ANO9: variants seen among roughly 807,000 people sequenced by gnomAD.
ANO9 encodes the protein anoctamin-9.
A neutral mutation model predicts 100.5 loss-of-function variants in ANO9; 80 were observed. That is an observed-to-expected ratio of 0.80 (90% CI 0.66 to 0.96). ANO9 has a LOEUF of 0.96. Ranked by LOEUF, ANO9 falls within the 40% of genes least tolerant of loss-of-function variation. The probability of loss-of-function intolerance (pLI) is 0.00; values close to 1 mark genes in which losing one functional copy is unlikely to be tolerated. For synonymous variants in ANO9, 473 were observed against 435.6 expected, an observed-to-expected ratio of 1.09 and a Z score of -1.07; for missense variants, 1,064 against 1,072.7, an observed-to-expected ratio of 0.99 and a Z score of 0.11.
chr11:423,801 G>T (rs1357435867), intron 15 of ANO9, among the ~76,000 whole-genome samples: 3 of 151,816 alleles, frequency 2.0e-5, no homozygotes, highest in African/African-American at 7.3e-5. Flanking sequence ...AAAATGCTGG[G>T]ATTACAAGCA....
At chr11:419,437 G>T in intron 20 of ANO9, 145 bp downstream of exon 20, 1 of 1,436,588 alleles carries the variant, frequency 7.0e-7, no homozygotes, top group Non-Finnish European at 9.1e-7. Context: ...CAGGGCAGGG[G>T]CCACCCCCAG....
Position 430,155 on chromosome 11 carries a change from G to A in ANO9, c.699C>T (p.Asp233=), listed in dbSNP as rs751889754. The change falls in exon 9 of 23, where the codon GAC becomes GAT. Residue 233 remains aspartate, a synonymous_variant. Transcript: ENST00000332826. ...QISKEICEAH[D]ILMCPLGDHS... ...GGTCGCCGAGGGGACACATGAGGAT[G>A]TCGTGGGCCTCACAGATCTCCTTGC... 5.0e-5 allele frequency: 77 copies of A among 1,553,024 alleles called. No individual in the cohort carries two copies. The highest frequency in any genetic ancestry group is 6.4e-5 in the Non-Finnish European group (74 of 1,148,734).
rs375496379 is a variant in ANO9 at position 431,695 on chromosome 11, T to C, written c.538A>G (p.Arg180Gly). 1.2e-6 allele frequency: 2 copies of C among 1,612,382 alleles called. No homozygotes were observed. The highest frequency in any genetic ancestry group is 1.7e-6 in the Non-Finnish European group (2 of 1,179,454). ...TGTGCTCTCTTTGGGCAGCGTTACCTGATTTCATCAACTGGCTGCTCCCGG... is the reference window on the plus strand; with the variant it reads ...TGTGCTCTCTTTGGGCAGCGTTACCCGATTTCATCAACTGGCTGCTCCCGG... Reference protein sequence around the residue: ...MFREQPVDEIRNYFGEKVALY... With the variant: ...MFREQPVDEIGNYFGEKVALY... The change falls in exon 7 of 23, where the codon AGG becomes GGG. Residue 180 changes from arginine to glycine, a missense_variant and splice_region_variant. Physicochemically the swap from Arg to Gly is moderately radical, Grantham distance 125. Transcript: ENST00000332826.
At chr11:420,915 T>C in intron 17 of ANO9, 30 bp downstream of exon 17, 1 of 1,593,380 alleles carries the variant, frequency 6.3e-7, no homozygotes. Context: ...GGCCTGGGGC[T>C]CCCGGGGCTG....
Position 430,121 on chromosome 11 carries a change from T to C in ANO9, c.733A>G (p.Arg245Gly). Reference sequence around the variant, plus strand: ...CAGGTTTCCGAGAGCCGCTGGTACCTGCGGCTGTGGTCGCCGAGGGGACAC... The same window carrying C: ...CAGGTTTCCGAGAGCCGCTGGTACCCGCGGCTGTGGTCGCCGAGGGGACAC... Reference protein sequence around the residue: ...LMCPLGDHSRRYQRLSETCTF... With the variant: ...LMCPLGDHSRGYQRLSETCTF... Residue 245 changes from arginine to glycine, a missense_variant, in exon 9 of 23, where the codon AGG becomes GGG. By Grantham distance (125) the Arg-to-Gly change is moderately radical. Transcript: ENST00000332826. 2.6e-6 allele frequency: 4 copies of C among 1,553,044 alleles called. No homozygotes were observed. Among genetic ancestry groups the C allele is most frequent in the Non-Finnish European group, 1.7e-6 (2 of 1,148,782 alleles).
At chr11:419,945 C>T in intron 19 of ANO9, 3 of 1,404,294 alleles carry the variant, frequency 2.1e-6, no homozygotes, top group Non-Finnish European at 2.8e-6. Flanking sequence ...CAGGGAGGAA[C>T]CTGGGAATCC....
chr11:418,463 T>C lies in ANO9; in HGVS notation c.2257A>G (p.Arg753Gly). The change falls in exon 23 of 23, where the codon AGG becomes GGG. Residue 753 changes from arginine (R) to glycine (G), a missense_variant. Coordinates refer to ENST00000332826, the MANE Select transcript of ANO9 (RefSeq NM_001012302.3). Reference sequence around the variant, plus strand: ...GAGCCTGCCCCCACCCCACCCAGCCTCTGCCTTCCATGCCACATCTTCTCA... The same window carrying C: ...GAGCCTGCCCCCACCCCACCCAGCCCCTGCCTTCCATGCCACATCTTCTCA... ...LREKMWHGRQ[R>G]LGGVGAGSRP... 1 of 1,613,006 alleles carries C rather than the reference T, an allele frequency of 6.2e-7. No individual in the cohort carries two copies. The highest frequency in any genetic ancestry group is 8.5e-7 in the Non-Finnish European group (1 of 1,179,986).
At chr11:420,036 T>C in intron 19 of ANO9, 1 of 1,334,154 alleles carries the variant, frequency 7.5e-7, no homozygotes, top group Non-Finnish European at 9.6e-7. Flanking sequence ...GGTAAGACCT[T>C]GTAACCTGGG....
In ANO9 at chr11:428,466, C is replaced by T. The variant is rs765386503; in HGVS notation, c.1185+9G>A. The T allele has an allele frequency of 1.9e-5, 30 of 1,612,250 alleles. No homozygotes were observed. Among genetic ancestry groups the T allele is most frequent in the East Asian group, 1.6e-4 (7 of 44,868 alleles). On this transcript the variant is annotated intron_variant, in intron 13 of 22. Transcript: ENST00000332826. ...CCCCAGCTCGGGCCTGCCCTGCTCCCGGCCCCACCTTGGTCATGATGATGA... is the reference window on the plus strand; with the variant it reads ...CCCCAGCTCGGGCCTGCCCTGCTCCTGGCCCCACCTTGGTCATGATGATGA...
intron 19 of ANO9, 106 bp downstream of exon 19, chr11:420,357 G>A: frequency 1.3e-6 from 2 of 1,509,684 alleles, no homozygotes; most frequent in Non-Finnish European, 1.8e-6. Flanking sequence ...TCTGCGGCCT[G>A]AGATCCGAGA....
chr11:431,956 C>A (rs1334305178), intron 5 of ANO9, 43 bp downstream of exon 5: 1 of 1,612,268 alleles, frequency 6.2e-7, no homozygotes, highest in African/African-American at 1.3e-5. Context: ...CTGGGAGAAC[C>A]CTGCCCGCAG....
At chr11:424,083 G>A (rs752874660) in intron 15 of ANO9, among the ~76,000 whole-genome samples, 2 of 151,846 alleles carry the variant, frequency 1.3e-5, no homozygotes, top group Non-Finnish European at 2.9e-5. Flanking sequence ...TAGTAGAGAC[G>A]GGGTTTCTTC....
chr11:419,725 G>A lies in ANO9; in HGVS notation c.1791C>T (p.Thr597=), dbSNP rs764508344. The change falls in exon 20 of 23, where the codon ACC becomes ACT. Residue 597 remains threonine, a synonymous_variant. Transcript: ENST00000332826. ...CGATGGTCTCCAGCACCTGCAGCCA[G>A]GTCCCTGCACCAGAGCAGTGGGCAA... ...LVPRKAKDIG[T]WLQVLETIGV... is the part of the protein sequence containing the mutation. The A allele has an allele frequency of 6.9e-6, 11 of 1,597,284 alleles. No individual in the cohort carries two copies. Among genetic ancestry groups the A allele is most frequent in the Non-Finnish European group, 1.7e-6 (2 of 1,174,950 alleles).
Position 420,856 on chromosome 11 carries a change from C to T in ANO9, c.1495G>A (p.Val499Met). ...SNCVEYLVPW[V>M]THKCRSLRAS... ...CGCAGAGAGCGGCACTTGTGGGTCA[C>T]CCACCTGCGGGGAGAGCTGCGTGGC... The change falls in exon 18 of 23, where the codon GTG becomes ATG. Residue 499 changes from valine (V) to methionine (M), a missense_variant. Physicochemically the swap from Val to Met is conservative, Grantham distance 21. Transcript: ENST00000332826. 1 of 1,590,768 alleles carries T rather than the reference C, an allele frequency of 6.3e-7. No homozygotes were observed. Among genetic ancestry groups the T allele is most frequent in the Non-Finnish European group, 8.5e-7 (1 of 1,171,960 alleles).
chr11:436,042 C>CT (rs1156461551), intron 1 of ANO9, among the ~76,000 whole-genome samples: 12 of 83,242 alleles, frequency 1.4e-4, no homozygotes, highest in South Asian at 3.9e-4. Context: ...GTGTCTGTTT[C>CT]TTTTTTTTTT....
intron 15 of ANO9, among the ~76,000 whole-genome samples, chr11:427,465 C>A (rs1029433418): frequency 6.6e-5 from 10 of 152,144 alleles, no homozygotes; most frequent in African/African-American, 2.4e-4. Context: ...GGTGCAGTGG[C>A]TCACGCCTGA....
At chr11:436,043 T>G (rs572020815) in intron 1 of ANO9, among the ~76,000 whole-genome samples, 1 of 147,826 alleles carries the variant, frequency 6.8e-6, no homozygotes, top group East Asian at 2.0e-4. Context: ...TGTCTGTTTC[T>G]TTTTTTTTTC....
Position 441,909 on chromosome 11 carries a change from C to G in ANO9, c.6+12G>C, listed in dbSNP as rs777194726. 3 of 1,607,418 alleles carry G rather than the reference C, an allele frequency of 1.9e-6. No individual in the cohort carries two copies. In the South Asian group the frequency reaches 3.3e-5, roughly 18 times the overall value. ...CCTTGAAGGTGTGGACCCTTTTGAG[C>G]GCAGGACTCACCTGCATGCTGGCTG... On this transcript the variant is annotated intron_variant, in intron 1 of 22. Transcript: ENST00000332826.
intron 1 of ANO9, 122 bp from the exon 2 acceptor site, chr11:434,220 G>T: frequency 8.5e-7 from 1 of 1,182,184 alleles, no homozygotes; most frequent in Non-Finnish European, 1.2e-6. Flanking sequence ...AAGGAGAACA[G>T]CAAAGAGTCC....
Sources: allele counts gnomAD v4.1 joint callset (sites outside exome capture counted in the v4.1 genomes callset), GRCh38; gene constraint gnomAD v4.1.1; transcripts MANE v1.5; gene names NCBI Gene and HGNC (gene_info 2026-07-23, HGNC 2026-07-21).